Variants in SPOCK1 observed in about 807,000 individuals in gnomAD.
The protein encoded by SPOCK1 is testican-1.
In SPOCK1, 23 loss-of-function variants were observed where a neutral mutation model predicts 55.3. The ratio of observed to expected loss-of-function variants is 0.42; its 90% CI spans 0.30 to 0.59. SPOCK1 has a LOEUF of 0.59. Ranked by LOEUF, SPOCK1 falls within the 20% of genes least tolerant of loss-of-function variation. SPOCK1 has a pLI of 0.22. For missense variants in SPOCK1, 499 were observed against 552.5 expected (o/e 0.90, Z 0.97); for synonymous variants, 226 against 221.0 (o/e 1.02, Z -0.20).
chr5:137,395,355 G>T (rs1391875242), intron 2 of SPOCK1, among the ~76,000 whole-genome samples: 1 of 152,190 alleles, frequency 6.6e-6, no homozygotes, highest in African/African-American at 2.4e-5. Flanking sequence ...CATCCCACCT[G>T]ATCTTTGGAA....
intron 2 of SPOCK1, among the ~76,000 whole-genome samples, chr5:137,354,255 A>G (rs1201835572): frequency 6.6e-6 from 1 of 152,062 alleles, no homozygotes; most frequent in East Asian, 1.9e-4. Context: ...CTGCATTCCT[A>G]TACTTACATC....
intron 2 of SPOCK1, among the ~76,000 whole-genome samples, chr5:137,282,705 CCA>C (rs1757189954): frequency 6.6e-6 from 1 of 152,230 alleles, no homozygotes; most frequent in Non-Finnish European, 1.5e-5. Flanking sequence ...GAGAAAATCT[CCA>C]GTTTCTTCCT....
chr5:137,161,017 T>C (rs1222573810), intron 3 of SPOCK1, among the ~76,000 whole-genome samples: 2 of 146,582 alleles, frequency 1.4e-5, no homozygotes, highest in African/African-American at 5.0e-5. Flanking sequence ...GATATATATA[T>C]ATATATATAT....
intron 2 of SPOCK1, among the ~76,000 whole-genome samples, chr5:137,275,117 G>T (rs569070512): frequency 6.6e-6 from 1 of 152,184 alleles, no homozygotes; most frequent in African/African-American, 2.4e-5. Flanking sequence ...CCCTGAAAGG[G>T]TATGTCTCCT....
chr5:137,293,112 TTTTTTTTTTG>T (rs1757406614), intron 2 of SPOCK1, among the ~76,000 whole-genome samples: 4 of 126,420 alleles, frequency 3.2e-5, no homozygotes, highest in East Asian at 2.4e-4. Flanking sequence ...TTTTTTTTTT[TTTTTTTTTTG>T]ATGCACATTG....
chr5:137,344,853 C>T (rs941299910), intron 2 of SPOCK1, among the ~76,000 whole-genome samples: 12 of 152,158 alleles, frequency 7.9e-5, no homozygotes, highest in African/African-American at 2.9e-4. Context: ...CCCCATTCCC[C>T]AAGGGATTTT....
intron 3 of SPOCK1, among the ~76,000 whole-genome samples, chr5:137,239,742 G>A (rs771501370): frequency 6.6e-6 from 1 of 151,988 alleles, no homozygotes; most frequent in African/African-American, 2.4e-5. Flanking sequence ...CCCTTTAACA[G>A]ACAAGAAAAA....
At chr5:137,048,847 A>G (rs1171717872) in intron 6 of SPOCK1, among the ~76,000 whole-genome samples, 2 of 70,492 alleles carry the variant, frequency 2.8e-5, no homozygotes, top group African/African-American at 1.1e-4. Flanking sequence ...TGGTGACAAA[A>G]TCTCTCAGCA....
At chr5:137,277,882 G>A (rs934237966) in intron 2 of SPOCK1, among the ~76,000 whole-genome samples, 3 of 152,182 alleles carry the variant, frequency 2.0e-5, no homozygotes, top group African/African-American at 7.2e-5. Context: ...GCCGGCAGGA[G>A]ATGCACAGGA....
rs116254585 is a variant in SPOCK1 at position 137,308,071 on chromosome 5, G to A, written c.187-41016C>T. 3.4e-3 allele frequency among the ~76,000 whole-genome samples: 511 copies of A among 152,310 alleles called. 4 individuals carry two copies. The highest frequency in any genetic ancestry group is 0.012 in the African/African-American group (493 of 41,566). On this transcript the variant is annotated intron_variant, in intron 2 of 10. Transcript: ENST00000394945. ...TTAGTAAATGCTCAACAAACAGCAG[G>A]TGCTGTTAGCCTTCCTATTATCTCC... is the stretch of plus-strand genomic sequence containing the variant.
At chr5:137,183,159 A>G (rs1405922389) in intron 3 of SPOCK1, among the ~76,000 whole-genome samples, 3 of 152,132 alleles carry the variant, frequency 2.0e-5, no homozygotes, top group African/African-American at 7.2e-5. Context: ...ATTAATCTTT[A>G]TGGTATACTC....
rs1023557855 is a variant in SPOCK1, at chr5:137,431,879, G to A, written c.186+66494C>T. ...GCCTCTTTTCTTTATAAATTGCCCC[G>A]TCTTTGGTATTCTATCACAGCAACA... On this transcript the variant is annotated intron_variant, in intron 2 of 10. Coordinates refer to ENST00000394945, the MANE Select transcript of SPOCK1 (RefSeq NM_004598.4). 8.5e-5 allele frequency among the ~76,000 whole-genome samples: 13 copies of A among 152,090 alleles called. No homozygotes were observed. In the South Asian group the frequency reaches 1.0e-3, roughly 12 times the overall value.
At chr5:137,487,425 C>T (rs1377996930) in intron 2 of SPOCK1, among the ~76,000 whole-genome samples, 5 of 152,108 alleles carry the variant, frequency 3.3e-5, no homozygotes, top group African/African-American at 2.4e-5. Context: ...CATCTAGCCC[C>T]TGTGTCTCAG....
chr5:137,058,324 A>T (rs771324701), intron 6 of SPOCK1, among the ~76,000 whole-genome samples: 6 of 152,252 alleles, frequency 3.9e-5, no homozygotes, highest in Admixed American at 6.5e-5. Flanking sequence ...GAACAGATCC[A>T]AATCTCAAAT....
intron 3 of SPOCK1, 52 bp from the exon 4 acceptor site, chr5:137,140,746 A>C: frequency 1.4e-6 from 1 of 704,470 alleles, no homozygotes; most frequent in Non-Finnish European, 2.0e-6. Flanking sequence ...AGGGAAATTT[A>C]ATTTTTTTTT....
chr5:137,165,890 C>T (rs532268605), intron 3 of SPOCK1, among the ~76,000 whole-genome samples: 1 of 151,896 alleles, frequency 6.6e-6, no homozygotes, highest in Admixed American at 6.6e-5. Context: ...AAATTAAAAA[C>T]AATAAAGCTC....
At position 137,164,207 on chromosome 5, in the gene SPOCK1, C is replaced by G. The variant is rs998237567; in HGVS notation, c.233-23513G>C. On this transcript the variant is annotated intron_variant, in intron 3 of 10. Transcript: ENST00000394945. ...ATACTTGATCTAAGTCATTACTTCT[C>G]TACCAGATTAAGTTTGTCTTTTTTT... Among the ~76,000 whole-genome samples, 7 of 152,288 alleles carry G rather than the reference C, an allele frequency of 4.6e-5. No homozygotes were observed. In the East Asian group the frequency reaches 9.7e-4, roughly 21 times the overall value.
intron 2 of SPOCK1, among the ~76,000 whole-genome samples, chr5:137,438,771 G>A (rs1292457129): frequency 1.3e-5 from 2 of 152,198 alleles, no homozygotes; most frequent in Admixed American, 6.5e-5. Flanking sequence ...GAACTGGCAG[G>A]CAGGCTGCTG....
chr5:137,304,791 G>A (rs1184883396), intron 2 of SPOCK1, among the ~76,000 whole-genome samples: 1 of 152,170 alleles, frequency 6.6e-6, no homozygotes, highest in African/African-American at 2.4e-5. Flanking sequence ...ACCGTGAGTG[G>A]CTGTGTGACA....
Sources: allele counts gnomAD v4.1 joint callset (sites outside exome capture counted in the v4.1 genomes callset), GRCh38; gene constraint gnomAD v4.1.1; transcripts MANE v1.5; gene names NCBI Gene and HGNC (gene_info 2026-07-23, HGNC 2026-07-21).